Variants in LRRK1 observed in about 807,000 individuals in gnomAD.
LRRK1 encodes leucine rich repeat kinase 1.
Under a neutral mutation model 209.1 loss-of-function variants are expected in LRRK1, and 113 were observed. That is an observed-to-expected ratio of 0.54 (90% CI 0.46 to 0.63). LRRK1 has a LOEUF of 0.63. Ranked by LOEUF, LRRK1 falls within the 30% of genes least tolerant of loss-of-function variation. LRRK1 has a pLI of 0.00. For missense variants in LRRK1, 2,284 were observed against 2,632.2 expected, an observed-to-expected ratio of 0.87 and a Z score of 2.89; for synonymous variants, 1,144 against 1,099.7, an observed-to-expected ratio of 1.04 and a Z score of -0.80.
chr15:101,043,037 C>G (rs1354054743), intron 20 of LRRK1, among the ~76,000 whole-genome samples: 1 of 152,228 alleles, frequency 6.6e-6, no homozygotes, highest in Non-Finnish European at 1.5e-5. Context: ...CCATATCAGC[C>G]GCTTCCTGGG....
At chr15:100,971,620 G>A (rs758987168) in intron 2 of LRRK1, among the ~76,000 whole-genome samples, 2 of 152,156 alleles carry the variant, frequency 1.3e-5, no homozygotes, top group Non-Finnish European at 2.9e-5. Context: ...TGTGTATATA[G>A]TATGTGGTGA....
intron 2 of LRRK1, among the ~76,000 whole-genome samples, chr15:100,929,928 CAGTT>C (rs1233463188): frequency 6.6e-6 from 1 of 152,254 alleles, no homozygotes; most frequent in African/African-American, 2.4e-5. Flanking sequence ...ATGCAGGTGG[CAGTT>C]AGCACAGCTG....
chr15:100,962,823 A>ATTTTTTT (rs1161979293), intron 2 of LRRK1, among the ~76,000 whole-genome samples: 4 of 11,546 alleles, frequency 3.5e-4, no homozygotes, highest in East Asian at 1.4e-3. Flanking sequence ...ATATATATAT[A>ATTTTTTT]TTTTTTTTTT....
chr15:101,011,922 A>G, intron 9 of LRRK1, 86 bp from the exon 10 acceptor site: 1 of 942,330 alleles, frequency 1.1e-6, no homozygotes, highest in Non-Finnish European at 1.6e-6. Flanking sequence ...TCCATTTTTA[A>G]CATCAAATTT....
chr15:101,033,474 A>G (rs2034368575), intron 20 of LRRK1, among the ~76,000 whole-genome samples: 1 of 152,112 alleles, frequency 6.6e-6, no homozygotes, highest in South Asian at 2.1e-4. Context: ...TTCTATCTTC[A>G]TAAGATCAAG....
At chr15:101,017,741 G>A (rs749780167) in intron 12 of LRRK1, among the ~76,000 whole-genome samples, 3 of 151,890 alleles carry the variant, frequency 2.0e-5, no homozygotes, top group Admixed American at 6.6e-5. Context: ...CCACAAAACC[G>A]GTCCGTGGTG....
At chr15:100,936,046 T>A (rs1403327217) in intron 2 of LRRK1, among the ~76,000 whole-genome samples, 1 of 152,226 alleles carries the variant, frequency 6.6e-6, no homozygotes, top group Non-Finnish European at 1.5e-5. Flanking sequence ...CAAAGGCCAG[T>A]CCAGATTTAG....
chr15:101,021,269 G>T (rs1567238050), intron 13 of LRRK1, 87 bp downstream of exon 13: 1 of 1,460,386 alleles, frequency 6.8e-7, no homozygotes, highest in East Asian at 2.3e-5. Context: ...GACACAGAAA[G>T]CCAGGCAGAA....
chr15:100,957,323 T>G (rs2042787074), intron 2 of LRRK1, among the ~76,000 whole-genome samples: 1 of 152,196 alleles, frequency 6.6e-6, no homozygotes, highest in Non-Finnish European at 1.5e-5. Flanking sequence ...GTCTATAGTA[T>G]TATTCAAATT....
Position 101,046,165 on chromosome 15 carries a change from C to A in LRRK1, c.3135+13C>A. 1 of 1,613,392 alleles carries A rather than the reference C, an allele frequency of 6.2e-7. No homozygotes were observed. Among genetic ancestry groups the A allele is most frequent in the Non-Finnish European group, 8.5e-7 (1 of 1,179,568 alleles). ...GATGGACCTGCAGGTATTATGGCTG[C>A]GGTTTCTGCATAGACAGATGCCCGA... is the stretch of plus-strand genomic sequence containing the variant. On this transcript the variant is annotated intron_variant, in intron 21 of 33. Coordinates refer to ENST00000388948, the MANE Select transcript of LRRK1 (RefSeq NM_024652.6).
At chr15:101,060,128 AG>A (rs2036072737) in intron 29 of LRRK1, among the ~76,000 whole-genome samples, 1 of 152,122 alleles carries the variant, frequency 6.6e-6, no homozygotes, top group African/African-American at 2.4e-5. Context: ...GGAAGGGAGG[AG>A]GGGGCTGGCT....
intron 2 of LRRK1, among the ~76,000 whole-genome samples, chr15:100,949,102 C>T (rs561310221): frequency 3.9e-5 from 6 of 151,988 alleles, no homozygotes; most frequent in Admixed American, 2.0e-4. Context: ...TTTGAAAAAA[C>T]CAACGATTTT....
In LRRK1 at chr15:101,022,532, C is replaced by T. The variant is rs1332242404; in HGVS notation, c.2002C>T (p.His668Tyr). The T allele has an allele frequency of 1.2e-6, 2 of 1,613,910 alleles. No homozygotes were observed. Among genetic ancestry groups the T allele is most frequent in the Admixed American group, 1.7e-5 (1 of 60,014 alleles). Residue 668 changes from histidine (H) to tyrosine (Y), a missense_variant, in exon 15 of 34, where the codon CAT (histidine) becomes TAT (tyrosine). His to Tyr is a moderately conservative substitution (Grantham distance 83). Transcript: ENST00000388948. This position sits in a 1 kb window ranked among gnomAD's most constrained non-coding sequence, Gnocchi z 4.0. ...GACGGGGAGGGCCCCCCAGGTGGTGCATGGAGAGGCCACCATCAGGACCAC... is the reference window on the plus strand; with the variant it reads ...GACGGGGAGGGCCCCCCAGGTGGTGTATGGAGAGGCCACCATCAGGACCAC... ...LQTGRAPQVV[H>Y]GEATIRTTKW... is the part of the protein sequence containing the mutation.
At chr15:100,995,266 G>A (rs921690305) in intron 6 of LRRK1, among the ~76,000 whole-genome samples, 4 of 152,174 alleles carry the variant, frequency 2.6e-5, no homozygotes, top group South Asian at 2.1e-4. Context: ...AGCCACAGCC[G>A]ACCCAGGTAC....
intron 26 of LRRK1, among the ~76,000 whole-genome samples, chr15:101,054,699 CAACTT>C (rs1454589779): frequency 1.3e-5 from 2 of 152,252 alleles, no homozygotes; most frequent in East Asian, 3.9e-4. Context: ...CCTAGCTACT[CAACTT>C]GGGAGGCTGA....
intron 2 of LRRK1, among the ~76,000 whole-genome samples, chr15:100,934,805 A>C (rs1256864791): frequency 9.4e-4 from 125 of 133,192 alleles, no homozygotes; most frequent in African/African-American, 4.5e-3. Flanking sequence ...ACTGTCTCAA[A>C]AAAAAAAAAA....
At chr15:101,055,643 C>T (rs543661007) in intron 27 of LRRK1, among the ~76,000 whole-genome samples, 1 of 152,290 alleles carries the variant, frequency 6.6e-6, no homozygotes, top group African/African-American at 2.4e-5. Context: ...TAAGTCCCGG[C>T]CACAGGGTGC....
intron 21 of LRRK1, among the ~76,000 whole-genome samples, chr15:101,046,922 T>G (rs2035112154): frequency 6.6e-6 from 1 of 152,164 alleles, no homozygotes; most frequent in Non-Finnish European, 1.5e-5. Context: ...AGTGGTGTTT[T>G]TCAAAGTGGG....
At chr15:101,009,170 T>C (rs2033121017) in intron 7 of LRRK1, 107 bp downstream of exon 7, 3 of 883,124 alleles carry the variant, frequency 3.4e-6, no homozygotes, top group African/African-American at 3.4e-5. Context: ...AAAAATGTTC[T>C]GGCTAAAATA....
Sources: gnomAD v4.1 joint callset for allele counts (sites outside exome capture counted in the v4.1 genomes callset) on GRCh38, gnomAD v4.1.1 for gene constraint, Gnocchi (gnomAD v3.1) non-coding constraint, MANE v1.5 for transcripts, NCBI Gene and HGNC (gene_info 2026-07-23, HGNC 2026-07-21) for gene names.